ACOT9: variants seen among roughly 807,000 people sequenced by gnomAD.
The protein encoded by ACOT9 is acyl-CoA thioesterase 9, also known as acyl-coenzyme A thioesterase 9, mitochondrial.
ACOT9 carries 34 observed loss-of-function variants against 39.7 expected under a neutral mutation model. The observed-to-expected ratio is 0.86, with a 90% CI of 0.65 to 1.14. ACOT9 has a LOEUF of 1.14. Among genes scored for constraint, ACOT9 ranks in the 50% most tolerant of loss-of-function variants. The pLI is 0.00. For synonymous variants in ACOT9, 110 were observed against 120.5 expected (o/e 0.91, Z 0.57); for missense variants, 313 against 344.1 (o/e 0.91, Z 0.71).
chrX:23,725,361 C>A (rs1432741507), intron 6 of ACOT9, among the ~76,000 whole-genome samples: 4 of 105,810 alleles, frequency 3.8e-5, no homozygotes, highest in Non-Finnish European at 7.7e-5. Context: ...ATCCCAGCTA[C>A]GTCGAAAGCT....
chrX:23,713,326 C>T, intron 8 of ACOT9, 118 bp from the exon 9 acceptor site: 1 of 558,336 alleles, frequency 1.8e-6, no homozygotes. Context: ...GCCTATAATC[C>T]CAGCACTTTG....
chrX:23,735,931 G>A lies in ACOT9; in HGVS notation c.106C>T (p.His36Tyr). 8.3e-7 allele frequency: 1 copy of A among 1,209,970 alleles called. No homozygotes were observed. The highest frequency in any genetic ancestry group is 1.1e-6 in the Non-Finnish European group (1 of 894,396). ...PQNPKKQGIF[H>Y]IHEACSSIHV... ...ACACCATGCTTGCCTTCATGAATGT[G>A]GAAGATTCCCTGTTTCTTGGGGTTC... The change falls in exon 2 of 16, where the codon CAC becomes TAC. Residue 36 changes from histidine (H) to tyrosine (Y), a missense_variant. Transcript: ENST00000379303.
chrX:23,730,895 T>C lies in ACOT9; in HGVS notation c.283A>G (p.Ser95Gly). ...AAAGGCAAGAGAACTTCAATATAAC[T>C]GTCCTTCATTCTCCTAGGAGGCAGT... The part of the protein sequence containing the change: ...DGLPPRRMKD[S>G]YIEVLLPLGS... Residue 95 changes from serine (S) to glycine (G), a missense_variant, in exon 5 of 16, where the codon AGT (serine) becomes GGT (glycine). Ser to Gly is a moderately conservative substitution (Grantham distance 56). Transcript: ENST00000379303. 1 of 1,210,371 alleles carries C rather than the reference T, an allele frequency of 8.3e-7. No homozygotes were observed. Among genetic ancestry groups the C allele is most frequent in the African/African-American group, 1.7e-5 (1 of 57,971 alleles).
chrX:23,713,231 T>C, intron 8 of ACOT9, 23 bp from the exon 9 acceptor site: 1 of 1,137,230 alleles, frequency 8.8e-7, no homozygotes, highest in Non-Finnish European at 1.2e-6. Flanking sequence ...GGAAAGAAAA[T>C]GTACATATGA....
At chrX:23,741,463 G>A (rs910880549) in intron 1 of ACOT9, among the ~76,000 whole-genome samples, 1 of 110,533 alleles carries the variant, frequency 9.0e-6, no homozygotes, top group Admixed American at 9.7e-5. Context: ...AAGGAAGAGT[G>A]TTCAGTGCAA....
chrX:23,737,993 C>G (rs750173311), intron 1 of ACOT9, among the ~76,000 whole-genome samples: 2 of 106,887 alleles, frequency 1.9e-5, no homozygotes, highest in East Asian at 6.0e-4. Flanking sequence ...CTCAACCTCC[C>G]GAGTAGCTGG....
rs774409265 is a variant in ACOT9, at chrX:23,703,947, T to G, written c.1294A>C (p.Asn432His). The G allele has an allele frequency of 5.8e-6, 7 of 1,209,385 alleles. No homozygotes were observed. The highest frequency in any genetic ancestry group is 4.6e-4 in the Middle Eastern group (2 of 4,347). The change falls in exon 16 of 16, where the codon AAC becomes CAC. Residue 432 changes from asparagine to histidine, a missense_variant. Physicochemically the swap from Asn to His is moderately conservative, Grantham distance 68. Coordinates refer to ENST00000379303, the MANE Select transcript of ACOT9 (RefSeq NM_001037171.2). ...AAGGTCGCTGGGCCACTCATGGAGT[T>G]GAAATGCCGCTGCCCATCTAAGTAC... ...MLYLDGQRHF[N>H]SMSGPATLRK...
chrX:23,732,885 T>A (rs1279370027), intron 4 of ACOT9, among the ~76,000 whole-genome samples: 1 of 112,028 alleles, frequency 8.9e-6, no homozygotes, highest in Non-Finnish European at 1.9e-5. Flanking sequence ...CAGGAACATA[T>A]GTCGTAAGCA....
chrX:23,733,186 T>A lies in ACOT9; in HGVS notation c.177A>T (p.Ala59=). 1 of 1,210,038 alleles carries A rather than the reference T, an allele frequency of 8.3e-7. No individual in the cohort carries two copies. The highest frequency in any genetic ancestry group is 1.1e-6 in the Non-Finnish European group (1 of 894,131). The part of the protein sequence containing the change: ...VRDKLREIVG[A]STNWRDHVKA... ...AAGATGCATACCTCCAGTTTGTGGATGCTCCTACTATCTCCCGCAACTTAT... is the reference window on the plus strand; with the variant it reads ...AAGATGCATACCTCCAGTTTGTGGAAGCTCCTACTATCTCCCGCAACTTAT... The change falls in exon 4 of 16, where the codon GCA becomes GCT. Residue 59 remains alanine, a synonymous_variant. Transcript: ENST00000379303.
intron 1 of ACOT9, 30 bp from the exon 2 acceptor site, chrX:23,736,046 T>TC (rs1238169993): frequency 7.0e-6 from 8 of 1,144,122 alleles, no homozygotes; most frequent in Non-Finnish European, 7.1e-6. Flanking sequence ...ACAGAGCAGA[T>TC]CCCACAGCTT....
chrX:23,731,199 G>C (rs1209184301), intron 4 of ACOT9, among the ~76,000 whole-genome samples: 1 of 112,340 alleles, frequency 8.9e-6, no homozygotes, highest in Non-Finnish European at 1.9e-5. Flanking sequence ...CTTAAGGCCA[G>C]GTGCAGTGTC....
chrX:23,733,091 T>G, intron 4 of ACOT9, 81 bp downstream of exon 4: 25 of 955,414 alleles, frequency 2.6e-5, no homozygotes, highest in South Asian at 6.5e-5. Context: ...ATCCCCACTG[T>G]GAGACCATCA....
In ACOT9 at chrX:23,703,674, A is replaced by G. The variant is rs1317184846; in HGVS notation, c.*220T>C. On this transcript the variant is annotated 3_prime_UTR_variant, in exon 16 of 16. Coordinates refer to ENST00000379303, the MANE Select transcript of ACOT9 (RefSeq NM_001037171.2). ...AGGCAACATGGTAGGTTCACAATTA[A>G]AATTGTCTTGAAAGTATTTATTGTT... The G allele has an allele frequency of 9.5e-6, 3 of 316,600 alleles. No homozygotes were observed. The highest frequency in any genetic ancestry group is 8.1e-5 in the African/African-American group (3 of 37,226). The allele number at this position is 316,600 out of a possible 1,213,427, so 26.1% of individuals were successfully genotyped here.
chrX:23,706,239 CT>C (rs1348883584), intron 11 of ACOT9, among the ~76,000 whole-genome samples: 2 of 108,973 alleles, frequency 1.8e-5, no homozygotes, highest in Non-Finnish European at 3.8e-5. Context: ...GCATTCCAGC[CT>C]GGGCAACAGG....
chrX:23,711,557 G>A (rs1011971007), intron 9 of ACOT9, among the ~76,000 whole-genome samples: 1 of 111,079 alleles, frequency 9.0e-6, no homozygotes, highest in Non-Finnish European at 1.9e-5. Context: ...AAACATAGAA[G>A]GAATGACAAA....
At chrX:23,707,574 T>C (rs1928736769) in intron 10 of ACOT9, 1 of 142,262 alleles carries the variant, frequency 7.0e-6, no homozygotes, top group Admixed American at 8.2e-5. Flanking sequence ...CCATCTCTAC[T>C]AAAAGTACAA....
At chrX:23,711,176 G>A (rs1928883545) in intron 9 of ACOT9, among the ~76,000 whole-genome samples, 1 of 109,467 alleles carries the variant, frequency 9.1e-6, no homozygotes, top group Non-Finnish European at 1.9e-5. Context: ...AAACAAATTA[G>A]CCAAGCATAA....
At chrX:23,720,374 T>C (rs1300955884) in intron 8 of ACOT9, among the ~76,000 whole-genome samples, 1 of 111,860 alleles carries the variant, frequency 8.9e-6, no homozygotes, top group Non-Finnish European at 1.9e-5. Context: ...CCCCCATAAC[T>C]GTGAACGTGA....
At chrX:23,719,162 T>A (rs1182992655) in intron 8 of ACOT9, among the ~76,000 whole-genome samples, 1 of 110,005 alleles carries the variant, frequency 9.1e-6, no homozygotes, top group East Asian at 2.9e-4. Flanking sequence ...CCCAGCTACT[T>A]GGGAGGCTGA....
Sources: allele counts gnomAD v4.1 joint callset (sites outside exome capture counted in the v4.1 genomes callset), GRCh38; gene constraint gnomAD v4.1.1; transcripts MANE v1.5; gene names NCBI Gene and HGNC (gene_info 2026-07-23, HGNC 2026-07-21).